Variants in ARPP21 observed in about 807,000 individuals in gnomAD.
ARPP21 encodes the protein cAMP regulated phosphoprotein 21.
A neutral mutation model predicts 113.2 loss-of-function variants in ARPP21; 69 were observed. That is an observed-to-expected ratio of 0.61 (90% CI 0.50 to 0.74). ARPP21 has a LOEUF of 0.74. Ranked by LOEUF, ARPP21 falls within the 30% of genes least tolerant of loss-of-function variation. The pLI is 0.00. For missense variants in ARPP21, 1,070 were observed against 1,037.4 expected (o/e 1.03, Z -0.43); for synonymous variants, 368 against 375.5 (o/e 0.98, Z 0.23).
At chr3:35,716,334 C>G (rs185908820) in intron 12 of ARPP21, among the ~76,000 whole-genome samples, 1 of 151,856 alleles carries the variant, frequency 6.6e-6, no homozygotes. Context: ...TATTCCTATA[C>G]CATTGATTAA....
chr3:35,727,547 T>A (rs2093625513), intron 14 of ARPP21, among the ~76,000 whole-genome samples: 1 of 152,212 alleles, frequency 6.6e-6, no homozygotes, highest in Non-Finnish European at 1.5e-5. Flanking sequence ...GAACTCCAGT[T>A]TAATTTAAGG....
chr3:35,692,634 G>A (rs1329121042), intron 9 of ARPP21, among the ~76,000 whole-genome samples: 2 of 151,518 alleles, frequency 1.3e-5, no homozygotes, highest in Non-Finnish European at 3.0e-5. Flanking sequence ...ATAAATACTG[G>A]TACATATGTT....
intron 19 of ARPP21, among the ~76,000 whole-genome samples, chr3:35,781,930 T>C (rs2096535107): frequency 6.6e-6 from 1 of 152,210 alleles, no homozygotes; most frequent in Non-Finnish European, 1.5e-5. Context: ...TTGTTTTCAA[T>C]GAGCTATACA....
At chr3:35,726,581 C>T (rs1349191913) in intron 14 of ARPP21, among the ~76,000 whole-genome samples, 1 of 152,194 alleles carries the variant, frequency 6.6e-6, no homozygotes, top group Non-Finnish European at 1.5e-5. Flanking sequence ...CCTATTGATG[C>T]TGCTTTTTTT....
At chr3:35,718,487 A>G (rs2092707039) in intron 13 of ARPP21, among the ~76,000 whole-genome samples, 1 of 152,132 alleles carries the variant, frequency 6.6e-6, no homozygotes, top group Non-Finnish European at 1.5e-5. Flanking sequence ...TAGATAAAAC[A>G]TGGGTTCTTG....
intron 1 of ARPP21, among the ~76,000 whole-genome samples, chr3:35,671,243 G>C (rs2076273527): frequency 6.6e-6 from 1 of 152,060 alleles, no homozygotes; most frequent in African/African-American, 2.4e-5. Flanking sequence ...AGGTAGTTTT[G>C]TTGTTATTCT....
chr3:35,741,028 G>A (rs2094625632), intron 18 of ARPP21, among the ~76,000 whole-genome samples: 1 of 152,070 alleles, frequency 6.6e-6, no homozygotes, highest in African/African-American at 2.4e-5. Flanking sequence ...CTTGAGCCTG[G>A]GATGTCAAGG....
chr3:35,686,168 G>A (rs1575807724), intron 5 of ARPP21, among the ~76,000 whole-genome samples: 1 of 151,640 alleles, frequency 6.6e-6, no homozygotes, highest in Non-Finnish European at 1.5e-5. Context: ...ATGATTAACT[G>A]TCAAACTGAA....
intron 18 of ARPP21, among the ~76,000 whole-genome samples, chr3:35,742,775 A>T (rs1165308612): frequency 6.6e-6 from 1 of 152,226 alleles, no homozygotes; most frequent in African/African-American, 2.4e-5. Context: ...ATTGACTTGT[A>T]ATTTTATCCT....
At chr3:35,668,027 A>AAGGAGAAGGAGAAGG (rs1553646508) in intron 1 of ARPP21, among the ~76,000 whole-genome samples, 1 of 132,366 alleles carries the variant, frequency 7.6e-6, no homozygotes, top group African/African-American at 2.8e-5. Context: ...GAAGAAGAAG[A>AAGGAGAAGGAGAAGG]AGAAGGAGAA....
At chr3:35,710,542 A>AC (rs2090770382) in intron 11 of ARPP21, among the ~76,000 whole-genome samples, 41 of 132,958 alleles carry the variant, frequency 3.1e-4, no homozygotes, top group Middle Eastern at 4.4e-3. Flanking sequence ...CTCTCTCTCA[A>AC]ACACACACAC....
At chr3:35,660,570 T>C (rs1461623174) in intron 1 of ARPP21, among the ~76,000 whole-genome samples, 6 of 152,172 alleles carry the variant, frequency 3.9e-5, no homozygotes, top group African/African-American at 1.4e-4. Context: ...GAGCAATACT[T>C]GAACTCTCAA....
intron 1 of ARPP21, among the ~76,000 whole-genome samples, chr3:35,647,332 C>T (rs1009321166): frequency 4.6e-5 from 7 of 151,962 alleles, no homozygotes; most frequent in Non-Finnish European, 8.8e-5. Flanking sequence ...AATTGTAATG[C>T]CTGTGTTATT....
intron 5 of ARPP21, chr3:35,685,178 G>A (rs565375787): frequency 1.0e-6 from 1 of 985,362 alleles, no homozygotes; most frequent in Non-Finnish European, 1.2e-6. Flanking sequence ...CATTTGACAA[G>A]GTACCAGGAG....
intron 19 of ARPP21, among the ~76,000 whole-genome samples, chr3:35,790,724 G>A (rs2096731157): frequency 6.6e-6 from 1 of 152,156 alleles, no homozygotes; most frequent in Admixed American, 6.5e-5. Context: ...ATTAAAGGAA[G>A]GTTCTGACTG....
chr3:35,685,079 C>A (rs1434520568), intron 5 of ARPP21: 4 of 985,284 alleles, frequency 4.1e-6, no homozygotes, highest in Non-Finnish European at 4.8e-6. Flanking sequence ...GAATGACAGA[C>A]CCTGGGAGAA....
At chr3:35,683,358 T>A (rs942414686) in intron 4 of ARPP21, among the ~76,000 whole-genome samples, 1 of 151,814 alleles carries the variant, frequency 6.6e-6, no homozygotes, top group Non-Finnish European at 1.5e-5. Context: ...CTTTTAACCA[T>A]CTTCTCAGTC....
intron 1 of ARPP21, among the ~76,000 whole-genome samples, chr3:35,668,005 GAA>G (rs1559549774): frequency 6.7e-5 from 10 of 150,298 alleles, no homozygotes; most frequent in African/African-American, 1.5e-4. Context: ...AGAAGAAGAA[GAA>G]GAAGAAGAAG....
In ARPP21 at chr3:35,707,567, AT is replaced by A. The variant is rs1282823140; in HGVS notation, c.795+486del. The A allele has an allele frequency of 2.0e-5, 9 of 456,560 alleles. No homozygotes were observed. The East Asian group carries it at 5.6e-4, about 28-fold the overall frequency. 28.3% of individuals were successfully genotyped at this position (456,560 alleles called of 1,614,324 possible). ...GTGAGGACAGGTGGATTTTGCAACTATCCTAAAATAAGTCTTCAGAGAAAAG... is the reference window on the plus strand; with the variant it reads ...GTGAGGACAGGTGGATTTTGCAACTACCTAAAATAAGTCTTCAGAGAAAAG... On this transcript the variant is annotated intron_variant, in intron 10 of 20. Coordinates refer to ENST00000684406, the MANE Select transcript of ARPP21 (RefSeq NM_001385562.1).
Sources: gnomAD v4.1 joint callset for allele counts (sites outside exome capture counted in the v4.1 genomes callset) on GRCh38, gnomAD v4.1.1 for gene constraint, MANE v1.5 for transcripts, NCBI Gene and HGNC (gene_info 2026-07-23, HGNC 2026-07-21) for gene names.